Variants in GLRA1 observed in about 807,000 individuals in gnomAD.
GLRA1 encodes the protein glycine receptor subunit alpha-1.
A neutral mutation model predicts 48.3 loss-of-function variants in GLRA1; 37 were observed. The ratio of observed to expected loss-of-function variants is 0.77; its 90% CI spans 0.59 to 1.01. The LOEUF (loss-of-function observed/expected upper bound fraction) is 1.01, where lower values mean the gene tolerates loss of function less well. Among genes scored for constraint, GLRA1 ranks in the 50% least tolerant of loss-of-function variants. GLRA1 has a pLI of 0.00. For missense variants in GLRA1, 427 were observed against 571.0 expected, an observed-to-expected ratio of 0.75 and a Z score of 2.57; for synonymous variants, 196 against 210.7, an observed-to-expected ratio of 0.93 and a Z score of 0.60.
At position 151,856,330 on chromosome 5, in the gene GLRA1, A is replaced by G. The variant is rs1334163638; in HGVS notation, c.530T>C (p.Val177Ala). 6.2e-7 allele frequency: 1 copy of G among 1,612,130 alleles called. No individual in the cohort carries two copies. Among genetic ancestry groups the G allele is most frequent in the Non-Finnish European group, 8.5e-7 (1 of 1,178,506 alleles). Residue 177 changes from valine to alanine, a missense_variant, in exon 5 of 9, where the codon GTC becomes GCC. By Grantham distance (64) the Val-to-Ala change is moderately conservative. This residue lies in a region of GLRA1 where 271 missense variants were observed against 434.9 expected (regional missense o/e 0.62). Coordinates refer to ENST00000274576, the MANE Select transcript of GLRA1 (RefSeq NM_000171.4). ...PMDLKNFPMD[V>A]QTCIMQLESF... is the part of the protein sequence containing the mutation. The stretch of plus-strand genomic sequence containing the variant: ...TTCCAGTTGCATGATACATGTCTGG[A>G]CATCCATGGGGAAATTCTTCAAGTC...
At chr5:151,903,371 T>G (rs780764988) in intron 1 of GLRA1, among the ~76,000 whole-genome samples, 2 of 152,168 alleles carry the variant, frequency 1.3e-5, no homozygotes, top group Non-Finnish European at 2.9e-5. Context: ...GTTGATAGGG[T>G]TTAGCTGAAG....
intron 1 of GLRA1, among the ~76,000 whole-genome samples, chr5:151,911,830 G>A (rs374285718): frequency 1.3e-5 from 2 of 151,772 alleles, no homozygotes; most frequent in Non-Finnish European, 2.9e-5. Context: ...GGATGGTCTC[G>A]ATCTCCTGAC....
chr5:151,889,084 G>A (rs1158284868), intron 2 of GLRA1, among the ~76,000 whole-genome samples: 1 of 152,170 alleles, frequency 6.6e-6, no homozygotes, highest in African/African-American at 2.4e-5. Context: ...GTCCCTGCAA[G>A]TGTCTGGCAC....
At position 151,905,116 on chromosome 5, in the gene GLRA1, C is replaced by A. The variant is rs115816876; in HGVS notation, c.57-12678G>T. 8.0e-3 allele frequency among the ~76,000 whole-genome samples: 1,221 copies of A among 152,292 alleles called. 20 individuals are homozygous for A. Among genetic ancestry groups the A allele is most frequent in the African/African-American group, 0.028 (1,149 of 41,568 alleles). ...TCCAGTGGCAAAAACTATTTTTTCA[C>A]AAGCTGGCTGGTTGCCCTCAGACCA... On this transcript the variant is annotated intron_variant, in intron 1 of 8. Coordinates refer to ENST00000274576, the MANE Select transcript of GLRA1 (RefSeq NM_000171.4).
intron 8 of GLRA1, among the ~76,000 whole-genome samples, chr5:151,826,475 A>T (rs935814363): frequency 6.6e-6 from 1 of 152,174 alleles, no homozygotes; most frequent in Non-Finnish European, 1.5e-5. Context: ...TGGTATGGTT[A>T]ATGTTTGGAG....
At chr5:151,912,911 G>A (rs1286317056) in intron 1 of GLRA1, among the ~76,000 whole-genome samples, 2 of 152,148 alleles carry the variant, frequency 1.3e-5, no homozygotes, top group African/African-American at 4.8e-5. Flanking sequence ...AGGAAAGCTA[G>A]AGGGACACCC....
chr5:151,846,463 A>G (rs958101706), intron 7 of GLRA1, among the ~76,000 whole-genome samples: 2 of 152,258 alleles, frequency 1.3e-5, no homozygotes, highest in Non-Finnish European at 2.9e-5. Context: ...GTCAGGTGTT[A>G]ATAGTGATCA....
At chr5:151,900,576 G>A (rs968293472) in intron 1 of GLRA1, among the ~76,000 whole-genome samples, 1 of 152,180 alleles carries the variant, frequency 6.6e-6, no homozygotes, top group African/African-American at 2.4e-5. Flanking sequence ...TTACAGGTGA[G>A]AAAACTGAGG....
intron 7 of GLRA1, chr5:151,849,972 T>A: frequency 6.3e-7 from 1 of 1,593,832 alleles, no homozygotes; most frequent in Non-Finnish European, 8.6e-7. Flanking sequence ...TGGTGTTCTG[T>A]GAAGTTTTCG....
At chr5:151,843,471 C>A (rs1752564827) in intron 7 of GLRA1, among the ~76,000 whole-genome samples, 1 of 151,998 alleles carries the variant, frequency 6.6e-6, no homozygotes, top group African/African-American at 2.4e-5. Context: ...CCATGTTAGT[C>A]AGGATGGTCT....
chr5:151,850,250 TA>T, intron 7 of GLRA1: 1 of 1,604,234 alleles, frequency 6.2e-7, no homozygotes, highest in Non-Finnish European at 8.5e-7. Flanking sequence ...AGATGGTGGG[TA>T]CTAATGCTGA....
chr5:151,898,515 C>T (rs1754279175), intron 1 of GLRA1, among the ~76,000 whole-genome samples: 1 of 152,180 alleles, frequency 6.6e-6, no homozygotes, highest in African/African-American at 2.4e-5. Context: ...CATGGCACCA[C>T]ACCCCCAAGA....
rs773246071 is a variant in GLRA1 at position 151,856,377 on chromosome 5, G to C, written c.483C>G (p.Thr161=). 14 of 1,606,664 alleles carry C rather than the reference G, an allele frequency of 8.7e-6. No individual in the cohort carries two copies. Among genetic ancestry groups the C allele is most frequent in the Admixed American group, 3.3e-5 (2 of 59,966 alleles). The change falls in exon 5 of 9, where the codon ACC becomes ACG. Residue 161 remains threonine, a synonymous_variant. Coordinates refer to ENST00000274576, the MANE Select transcript of GLRA1 (RefSeq NM_000171.4). ...AGTCCATGGGGCAGGCCAGTGTCAG[G>C]GTGATTCTGGGAAGAGAAGGGATTT... ...NGNVLYSIRI[T]LTLACPMDLK...
intron 3 of GLRA1, among the ~76,000 whole-genome samples, chr5:151,874,739 T>G (rs1172911574): frequency 6.6e-6 from 1 of 152,154 alleles, no homozygotes; most frequent in Non-Finnish European, 1.5e-5. Flanking sequence ...AAGGACTCCC[T>G]GAAGCAATGT....
intron 3 of GLRA1, among the ~76,000 whole-genome samples, chr5:151,881,319 T>C (rs1753755472): frequency 8.3e-6 from 1 of 120,132 alleles, no homozygotes; most frequent in African/African-American, 3.2e-5. Context: ...CTTTTTGTTT[T>C]TCCTTTTTTT....
At position 151,856,340 on chromosome 5, in the gene GLRA1, G is replaced by A. The variant is rs774560550; in HGVS notation, c.520C>T (p.Pro174Ser). 1.9e-6 allele frequency: 3 copies of A among 1,612,222 alleles called. No individual in the cohort carries two copies. The Admixed American group carries it at 5.0e-5, about 27-fold the overall frequency. ...ATGATACATGTCTGGACATCCATGG[G>A]GAAATTCTTCAAGTCCATGGGGCAG... is the stretch of plus-strand genomic sequence containing the variant. ...LACPMDLKNF[P>S]MDVQTCIMQL... The change falls in exon 5 of 9, where the codon CCC becomes TCC. Residue 174 changes from proline (P) to serine (S), a missense_variant. Pro to Ser is a moderately conservative substitution (Grantham distance 74). This residue lies in a region of GLRA1 where 271 missense variants were observed against 434.9 expected (regional missense o/e 0.62). Coordinates refer to ENST00000274576, the MANE Select transcript of GLRA1 (RefSeq NM_000171.4).
rs540768042 is a variant in GLRA1, at chr5:151,924,740, C to G, written c.-191G>C. The G allele has an allele frequency of 7.6e-6, 5 of 656,214 alleles. No individual in the cohort carries two copies. The highest frequency in any genetic ancestry group is 7.2e-5 in the African/African-American group (4 of 55,804). The allele number at this position is 656,214 out of a possible 1,614,324, so 40.6% of individuals were successfully genotyped here. A position where few individuals can be genotyped will look rare whatever the true frequency, so the allele number is the denominator to read the frequency against. Reference sequence around the variant, plus strand: ...GGGTCGTAGATACCACGGACAGCGGCGGCTGCGAGGCGTTTCAGCACCACG... The same window carrying G: ...GGGTCGTAGATACCACGGACAGCGGGGGCTGCGAGGCGTTTCAGCACCACG... On this transcript the variant is annotated 5_prime_UTR_variant, in exon 1 of 9. Transcript: ENST00000274576.
At chr5:151,872,141 C>CT (rs1753501126) in intron 3 of GLRA1, among the ~76,000 whole-genome samples, 1 of 149,518 alleles carries the variant, frequency 6.7e-6, no homozygotes, top group Admixed American at 6.6e-5. Flanking sequence ...AAAACAGTGA[C>CT]TGTTTAAGAA....
intron 3 of GLRA1, among the ~76,000 whole-genome samples, chr5:151,867,081 G>A (rs193093269): frequency 2.6e-5 from 4 of 152,186 alleles, no homozygotes; most frequent in East Asian, 1.9e-4. Context: ...ACTGCACTCC[G>A]GCCTGGGTAA....
Sources: allele counts gnomAD v4.1 joint callset (sites outside exome capture counted in the v4.1 genomes callset), GRCh38; gene constraint gnomAD v4.1.1; regional missense constraint gnomAD v4.1.1; transcripts MANE v1.5; gene names NCBI Gene and HGNC (gene_info 2026-07-23, HGNC 2026-07-21).